Variants in PRDM1 observed in about 807,000 individuals in gnomAD.
PRDM1 encodes PR domain zinc finger protein 1.
PRDM1 carries 13 observed loss-of-function variants against 62.8 expected under a neutral mutation model. That is an observed-to-expected ratio of 0.21 (90% CI 0.13 to 0.33). The LOEUF (loss-of-function observed/expected upper bound fraction) is 0.33, where lower values mean the gene tolerates loss of function less well. PRDM1 is among the 10% of genes least tolerant of loss of function. The probability of loss-of-function intolerance (pLI) is 1.00; values close to 1 mark genes in which losing one functional copy is unlikely to be tolerated. For missense variants in PRDM1, 895 were observed against 1,058.8 expected, an observed-to-expected ratio of 0.85 and a Z score of 2.15; for synonymous variants, 396 against 417.6, an observed-to-expected ratio of 0.95 and a Z score of 0.63.
At chr6:106,051,717 AG>A (rs1773177316) in intron 1 of PRDM1, among the ~76,000 whole-genome samples, 1 of 152,194 alleles carries the variant, frequency 6.6e-6, no homozygotes, top group Non-Finnish European at 1.5e-5. Context: ...GAGCCCTTGA[AG>A]GGGGAAATGA....
At chr6:106,075,061 T>G (rs72941675) in intron 1 of PRDM1, among the ~76,000 whole-genome samples, 14,674 of 152,286 alleles carry the variant, frequency 0.096, 803 homozygotes, top group Middle Eastern at 0.13. Context: ...TGGTCCCAAT[T>G]GCATTGGATA....
intron 1 of PRDM1, among the ~76,000 whole-genome samples, chr6:106,023,123 A>AT (rs1334388248): frequency 1.3e-5 from 2 of 152,186 alleles, no homozygotes; most frequent in Non-Finnish European, 2.9e-5. Context: ...CTGGTAATTC[A>AT]TTAGCACTGT....
chr6:106,048,216 CA>C (rs71006668), upstream of PRDM1, among the ~76,000 whole-genome samples: 5,180 of 110,126 alleles, frequency 0.047, 84 homozygotes, highest in Non-Finnish European at 0.058. Flanking sequence ...CCATCTCTAC[CA>C]AAAAAAAAAA....
At position 106,069,853 on chromosome 6, in the gene PRDM1, C is replaced by A. The variant is rs143804383; in HGVS notation, c.-66-18348C>A. ...GGAAATGAGGAGTTGGTCTCCAACA[C>A]CCTGTGTGTGCATTTTTCACCTTAA... On this transcript the variant is annotated intron_variant, in intron 1 of 6. Transcript: ENST00000651185. Among the ~76,000 whole-genome samples the A allele has an allele frequency of 4.3e-3, 662 of 152,252 alleles. 6 individuals carry two copies. The highest frequency in any genetic ancestry group is 7.6e-3 in the Admixed American group (116 of 15,282).
At chr6:106,051,107 T>A (rs577021538) in intron 1 of PRDM1, among the ~76,000 whole-genome samples, 2 of 152,370 alleles carry the variant, frequency 1.3e-5, no homozygotes, top group Admixed American at 1.3e-4. Context: ...CACAATGTTA[T>A]CCATCCAGTT....
In PRDM1 at chr6:106,099,597, CG is replaced by C. The variant is rs1562170513; in HGVS notation, c.664+47del. ...AAAAAATAAAAAATGCCAGTAATGT[CG>C]GTTCTGCCCCTTTGAACTAATAACA... On this transcript the variant is annotated intron_variant, in intron 4 of 6. Coordinates refer to ENST00000369096, the MANE Select transcript of PRDM1 (RefSeq NM_001198.4). 3.1e-6 allele frequency: 5 copies of C among 1,603,734 alleles called. No homozygotes were observed. The South Asian group carries it at 5.6e-5, about 18-fold the overall frequency.
At position 106,109,762 on chromosome 6, in the gene PRDM1, A is replaced by G; in HGVS notation, c.*2276A>G. On this transcript the variant is annotated 3_prime_UTR_variant, in exon 7 of 7. Transcript: ENST00000369096. ...CCTCTTACATGTGAATGTTGAGCCC[A>G]CAATCAACAGTGGTTTTATTTTTTC... 1 of 233,366 alleles carries G rather than the reference A, an allele frequency of 4.3e-6. No individual in the cohort carries two copies. The highest frequency in any genetic ancestry group is 8.5e-6 in the Non-Finnish European group (1 of 117,762). The allele number at this position is 233,366 out of a possible 1,614,324, so 14.5% of individuals were successfully genotyped here. A position where few individuals can be genotyped will look rare whatever the true frequency, so the allele number is the denominator to read the frequency against.
intron 1 of PRDM1, among the ~76,000 whole-genome samples, chr6:106,060,298 C>T (rs755632371): frequency 3.3e-5 from 5 of 152,072 alleles, no homozygotes; most frequent in Non-Finnish European, 7.4e-5. Flanking sequence ...AAGGAGAGCA[C>T]GATTGTGTCA....
In PRDM1 at chr6:106,105,637, C is replaced by A; in HGVS notation, c.1477C>A (p.His493Asn). 6.2e-7 allele frequency: 1 copy of A among 1,613,366 alleles called. No homozygotes were observed. The highest frequency in any genetic ancestry group is 8.5e-7 in the Non-Finnish European group (1 of 1,179,476). ...CAGGGAGGTGCTTGTCCCGGCGCCC[C>A]ACAGTGCCTTCTCCTTTACCGGGGC... ...HPREVLVPAP[H>N]SAFSFTGAAA... The change falls in exon 5 of 7, where the codon CAC (histidine) becomes AAC (asparagine). Residue 493 changes from histidine (H) to asparagine (N), a missense_variant. Physicochemically the swap from His to Asn is moderately conservative, Grantham distance 68. Around this residue, in one of 4 missense-constraint regions of PRDM1, gnomAD observed 444 missense variants for 422.7 expected, o/e 1.05. Coordinates refer to ENST00000369096, the MANE Select transcript of PRDM1 (RefSeq NM_001198.4).
At chr6:106,042,175 A>T (rs1773006297) in intron 1 of PRDM1, among the ~76,000 whole-genome samples, 1 of 151,744 alleles carries the variant, frequency 6.6e-6, no homozygotes, top group Non-Finnish European at 1.5e-5. Context: ...GATATTTCTA[A>T]TTCACATAAC....
intron 1 of PRDM1, among the ~76,000 whole-genome samples, chr6:106,009,248 A>G (rs1016233396): frequency 5.9e-5 from 9 of 152,222 alleles, no homozygotes; most frequent in Non-Finnish European, 1.2e-4. Flanking sequence ...GTATGTGACA[A>G]TCAGGTTAAT....
chr6:106,003,956 A>G (rs1178120289), intron 1 of PRDM1, among the ~76,000 whole-genome samples: 3 of 152,102 alleles, frequency 2.0e-5, no homozygotes, highest in Non-Finnish European at 4.4e-5. Flanking sequence ...CAGATGGAGG[A>G]AGGGGTCACC....
chr6:106,086,292 A>T (rs1773800656), upstream of PRDM1: 2 of 420,658 alleles, frequency 4.8e-6, no homozygotes, highest in Non-Finnish European at 8.4e-6. Context: ...CGCGCAGCCG[A>T]GTGGCTAAGG....
intron 3 of PRDM1, chr6:106,098,826 C>A (rs941602750): frequency 4.6e-6 from 7 of 1,524,356 alleles, no homozygotes; most frequent in African/African-American, 1.4e-5. Flanking sequence ...GTGTAGGAAA[C>A]GGCGAGTACA....
At chr6:106,057,978 C>G (rs1419896731) in intron 1 of PRDM1, among the ~76,000 whole-genome samples, 1 of 152,194 alleles carries the variant, frequency 6.6e-6, no homozygotes, top group African/African-American at 2.4e-5. Flanking sequence ...TTTCTCCTAA[C>G]TTTCCCATTT....
intron 1 of PRDM1, among the ~76,000 whole-genome samples, chr6:106,026,779 T>C (rs1480887720): frequency 6.6e-6 from 1 of 152,122 alleles, no homozygotes; most frequent in Non-Finnish European, 1.5e-5. Flanking sequence ...AAGGAGACCA[T>C]AGAATAAGAA....
At chr6:106,047,765 C>A (rs1217725419), upstream of PRDM1, among the ~76,000 whole-genome samples, 1 of 152,092 alleles carries the variant, frequency 6.6e-6, no homozygotes, top group Admixed American at 6.6e-5. Flanking sequence ...GAGTTGAGAA[C>A]CTTTGATAGT....
Position 106,105,656 on chromosome 6 carries a change from C to A in PRDM1, c.1496C>A (p.Thr499Asn). 6.2e-7 allele frequency: 1 copy of A among 1,612,480 alleles called. No homozygotes were observed. The highest frequency in any genetic ancestry group is 1.3e-5 in the African/African-American group (1 of 75,020). The change falls in exon 5 of 7, where the codon ACC becomes AAC. Residue 499 changes from threonine to asparagine, a missense_variant. This residue lies in a region of PRDM1 where 444 missense variants were observed against 422.7 expected (regional missense o/e 1.05). Coordinates refer to ENST00000369096, the MANE Select transcript of PRDM1 (RefSeq NM_001198.4). ...VPAPHSAFSF[T>N]GAAASMKDKA... ...GCGCCCCACAGTGCCTTCTCCTTTA[C>A]CGGGGCCGCCGCCAGCATGAAGGAC...
intron 1 of PRDM1, among the ~76,000 whole-genome samples, chr6:106,005,115 C>T (rs1425980757): frequency 2.6e-5 from 4 of 152,202 alleles, no homozygotes; most frequent in African/African-American, 9.6e-5. Flanking sequence ...AAGTCTTTGA[C>T]AGTGTTTAAA....
Sources: allele counts gnomAD v4.1 joint callset (sites outside exome capture counted in the v4.1 genomes callset), GRCh38; gene constraint gnomAD v4.1.1; regional missense constraint gnomAD v4.1.1; transcripts MANE v1.5; gene names NCBI Gene and HGNC (gene_info 2026-07-23, HGNC 2026-07-21).